Variants in SYN3 observed in about 807,000 individuals in gnomAD.
The protein encoded by SYN3 is synapsin-3.
SYN3 carries 35 observed loss-of-function variants against 65.8 expected under a neutral mutation model. The observed-to-expected ratio is 0.53, with a 90% CI of 0.41 to 0.70. The LOEUF is 0.70. Among genes scored for constraint, SYN3 ranks in the 30% least tolerant of loss-of-function variants. The pLI is 0.00. For missense variants in SYN3, 680 were observed against 749.0 expected (o/e 0.91, Z 1.08); for synonymous variants, 270 against 292.9 (o/e 0.92, Z 0.80).
At chr22:32,845,341 C>T (rs572393656) in intron 6 of SYN3, among the ~76,000 whole-genome samples, 1 of 152,036 alleles carries the variant, frequency 6.6e-6, no homozygotes, top group Middle Eastern at 3.2e-3. Context: ...GGACTACAGG[C>T]GGCCCCATGC....
intron 6 of SYN3, among the ~76,000 whole-genome samples, chr22:32,703,342 TAAAG>T (rs918503941): frequency 6.6e-6 from 1 of 152,160 alleles, no homozygotes; most frequent in Non-Finnish European, 1.5e-5. Flanking sequence ...TGGAGTTAAA[TAAAG>T]AGTTTTGCCT....
intron 6 of SYN3, among the ~76,000 whole-genome samples, chr22:32,792,513 C>G (rs1414827983): frequency 2.0e-5 from 3 of 152,200 alleles, no homozygotes; most frequent in Non-Finnish European, 4.4e-5. Flanking sequence ...TTAAAATATA[C>G]TGATGAGTAT....
chr22:32,763,215 C>G (rs2045534088), intron 6 of SYN3, among the ~76,000 whole-genome samples: 1 of 152,016 alleles, frequency 6.6e-6, no homozygotes. Flanking sequence ...GGCACTATCT[C>G]AGCTCACTGC....
intron 6 of SYN3, among the ~76,000 whole-genome samples, chr22:32,795,836 C>G (rs563363824): frequency 6.6e-6 from 1 of 152,298 alleles, no homozygotes; most frequent in South Asian, 2.1e-4. Context: ...GTGTTAACTG[C>G]TCTTTGGACT....
At chr22:32,706,245 A>G (rs999877413) in intron 6 of SYN3, among the ~76,000 whole-genome samples, 1 of 152,174 alleles carries the variant, frequency 6.6e-6, no homozygotes, top group African/African-American at 2.4e-5. Flanking sequence ...TTCAATACCT[A>G]CATACTGAGG....
At chr22:32,833,845 C>T (rs1293077960) in intron 6 of SYN3, 1 of 501,324 alleles carries the variant, frequency 2.0e-6, no homozygotes, top group Non-Finnish European at 4.0e-6. Context: ...GCATTTAGCA[C>T]TGATCATGCA....
At chr22:33,030,845 G>A (rs959722308) in intron 1 of SYN3, among the ~76,000 whole-genome samples, 73 of 151,152 alleles carry the variant, frequency 4.8e-4, no homozygotes, top group African/African-American at 1.6e-3. Flanking sequence ...AGATAGTGAC[G>A]GAGATAGAGA....
At chr22:32,904,491 A>G (rs1387643514) in intron 4 of SYN3, among the ~76,000 whole-genome samples, 6 of 150,946 alleles carry the variant, frequency 4.0e-5, no homozygotes, top group African/African-American at 1.5e-4. Flanking sequence ...ATTGAGTGAG[A>G]CCTAGGCTTC....
chr22:33,036,464 C>G (rs1030239602), intron 1 of SYN3, among the ~76,000 whole-genome samples: 2 of 152,156 alleles, frequency 1.3e-5, no homozygotes. Flanking sequence ...ATCCCCTAAA[C>G]CTCCAGCAGA....
intron 4 of SYN3, among the ~76,000 whole-genome samples, chr22:32,897,706 G>C (rs1194443606): frequency 6.6e-6 from 1 of 152,202 alleles, no homozygotes; most frequent in Non-Finnish European, 1.5e-5. Context: ...TTACCTCACA[G>C]AGTTGTTAAG....
At chr22:32,799,053 A>G (rs2046499384) in intron 6 of SYN3, among the ~76,000 whole-genome samples, 1 of 152,188 alleles carries the variant, frequency 6.6e-6, no homozygotes, top group Admixed American at 6.5e-5. Flanking sequence ...GTGATGTTGA[A>G]TAACCAATTC....
intron 6 of SYN3, among the ~76,000 whole-genome samples, chr22:32,747,331 A>C (rs2145631615): frequency 6.6e-6 from 1 of 152,344 alleles, no homozygotes; most frequent in Admixed American, 6.5e-5. Flanking sequence ...AAAACAAATC[A>C]AAACAAAAAA....
At chr22:33,045,022 T>A (rs563505078) in intron 1 of SYN3, among the ~76,000 whole-genome samples, 1 of 152,236 alleles carries the variant, frequency 6.6e-6, no homozygotes, top group African/African-American at 2.4e-5. Flanking sequence ...TTTGTACTTT[T>A]AGTAGAGACA....
rs1601706703 is a variant in SYN3 at position 32,589,534 on chromosome 22, G to A, written c.774+7140C>T. On this transcript the variant is annotated intron_variant, in intron 7 of 13. Coordinates refer to ENST00000358763, the MANE Select transcript of SYN3 (RefSeq NM_003490.4). ...AACCTCACATAATACTTAATCTCTT[G>A]AAACTCTCAATAAGTTTCCTAACTC... Among the ~76,000 whole-genome samples the A allele has an allele frequency of 3.3e-5, 5 of 152,234 alleles. 1 individual carries two copies. Among genetic ancestry groups the A allele is most frequent in the Admixed American group, 3.3e-4 (5 of 15,298 alleles).
At chr22:32,691,474 AT>A (rs2060660664) in intron 6 of SYN3, among the ~76,000 whole-genome samples, 1 of 152,156 alleles carries the variant, frequency 6.6e-6, no homozygotes, top group Non-Finnish European at 1.5e-5. Flanking sequence ...GTCTGGCAGG[AT>A]TTAGGTAAGG....
At chr22:32,780,373 AC>A (rs2046011353) in intron 6 of SYN3, among the ~76,000 whole-genome samples, 1 of 152,090 alleles carries the variant, frequency 6.6e-6, no homozygotes, top group African/African-American at 2.4e-5. Flanking sequence ...GGAGATGGAG[AC>A]AGAGCAGCAC....
At chr22:32,575,889 C>CA (rs1487709223) in intron 7 of SYN3, among the ~76,000 whole-genome samples, 1 of 150,684 alleles carries the variant, frequency 6.6e-6, no homozygotes, top group African/African-American at 2.5e-5. Context: ...CAAAACAAAA[C>CA]AAACAAAAAA....
rs933662967 is a variant in SYN3 at position 32,508,009 on chromosome 22, G to A, written c.*5683C>T. On this transcript the variant is annotated 3_prime_UTR_variant, in exon 14 of 14. Transcript: ENST00000358763. ...TCCATACCACCCCCCAAAAATTTTC[G>A]TCGCCCCAACACTTCAACACTATTT... Among the ~76,000 whole-genome samples, 8 of 151,558 alleles carry A rather than the reference G, an allele frequency of 5.3e-5. No individual in the cohort carries two copies. The highest frequency in any genetic ancestry group is 4.4e-5 in the Non-Finnish European group (3 of 67,960).
chr22:32,719,734 G>A (rs1283298964), intron 6 of SYN3, among the ~76,000 whole-genome samples: 3 of 152,158 alleles, frequency 2.0e-5, no homozygotes, highest in Non-Finnish European at 4.4e-5. Flanking sequence ...TGTAGTCCCA[G>A]CTACTCGGGA....
Sources: allele counts gnomAD v4.1 joint callset (sites outside exome capture counted in the v4.1 genomes callset), GRCh38; gene constraint gnomAD v4.1.1; transcripts MANE v1.5; gene names NCBI Gene and HGNC (gene_info 2026-07-23, HGNC 2026-07-21).